The following CHSY3 variants were observed in gnomAD, a reference collection of about 807,000 sequenced individuals.
The protein encoded by CHSY3 is N-acetylgalactosaminyl-proteoglycan 3-beta-glucuronosyltransferase 3.
CHSY3 carries 35 observed loss-of-function variants against 67.2 expected under a neutral mutation model. That is an observed-to-expected ratio of 0.52 (90% CI 0.40 to 0.69). CHSY3 has a LOEUF of 0.69. Among genes scored for constraint, CHSY3 ranks in the 30% least tolerant of loss-of-function variants. The probability of loss-of-function intolerance (pLI) is 0.00; values close to 1 mark genes in which losing one functional copy is unlikely to be tolerated. For missense variants in CHSY3, 1,069 were observed against 1,138.5 expected (o/e 0.94, Z 0.88); for synonymous variants, 474 against 434.7 (o/e 1.09, Z -1.12).
At chr5:130,114,037 C>A (rs943244115) in intron 2 of CHSY3, among the ~76,000 whole-genome samples, 3 of 152,036 alleles carry the variant, frequency 2.0e-5, no homozygotes, top group Admixed American at 1.3e-4. Context: ...ATTTTTTCTT[C>A]ATTGTTTCCA....
intron 2 of CHSY3, among the ~76,000 whole-genome samples, chr5:130,150,248 G>C (rs906319125): frequency 1.3e-5 from 2 of 151,932 alleles, no homozygotes; most frequent in Admixed American, 6.6e-5. Flanking sequence ...CAAAGTTTTA[G>C]GTCTAACAAT....
chr5:130,090,842 C>G (rs574338341), intron 2 of CHSY3, among the ~76,000 whole-genome samples: 1 of 152,248 alleles, frequency 6.6e-6, no homozygotes, highest in South Asian at 2.1e-4. Context: ...TACTTCCCAA[C>G]ACAGAAACAT....
At chr5:130,111,874 AAC>A (rs542982359) in intron 2 of CHSY3, among the ~76,000 whole-genome samples, 93 of 151,958 alleles carry the variant, frequency 6.1e-4, no homozygotes, top group Non-Finnish European at 9.7e-4. Context: ...ATTTTATTTT[AAC>A]ACACACATAC....
At chr5:129,950,649 T>C (rs1761998139) in intron 2 of CHSY3, among the ~76,000 whole-genome samples, 1 of 152,042 alleles carries the variant, frequency 6.6e-6, no homozygotes, top group Non-Finnish European at 1.5e-5. Flanking sequence ...GAAAAAGAAA[T>C]TAAGAAAATA....
intron 2 of CHSY3, among the ~76,000 whole-genome samples, chr5:130,073,814 G>C (rs1766167443): frequency 6.6e-6 from 1 of 152,070 alleles, no homozygotes; most frequent in East Asian, 1.9e-4. Context: ...TTTCTTATCT[G>C]ATTTTCATAA....
intron 2 of CHSY3, among the ~76,000 whole-genome samples, chr5:129,933,924 G>A (rs1761405532): frequency 6.6e-6 from 1 of 152,038 alleles, no homozygotes; most frequent in Admixed American, 6.6e-5. Context: ...TTTTCTTGAT[G>A]TTCATGTGAA....
At chr5:130,049,629 A>G (rs1324502409) in intron 2 of CHSY3, among the ~76,000 whole-genome samples, 1 of 152,122 alleles carries the variant, frequency 6.6e-6, no homozygotes, top group Non-Finnish European at 1.5e-5. Context: ...AAGTATGAAG[A>G]TAAAATTATC....
intron 2 of CHSY3, among the ~76,000 whole-genome samples, chr5:130,000,149 T>G (rs2149637845): frequency 6.6e-6 from 1 of 152,344 alleles, no homozygotes; most frequent in East Asian, 1.9e-4. Flanking sequence ...AGATAATGAT[T>G]ATGGATAACA....
intron 2 of CHSY3, among the ~76,000 whole-genome samples, chr5:130,162,058 A>AGG (rs1769564988): frequency 1.9e-4 from 1 of 5,402 alleles, no homozygotes; most frequent in African/African-American, 3.5e-4. Flanking sequence ...AAAAAAAAAA[A>AGG]AAGAAAGAAA....
At chr5:129,934,499 T>A (rs1761425572) in intron 2 of CHSY3, among the ~76,000 whole-genome samples, 1 of 152,158 alleles carries the variant, frequency 6.6e-6, no homozygotes, top group African/African-American at 2.4e-5. Flanking sequence ...GTTTATCCTA[T>A]GTTGTTCAGT....
At chr5:130,084,602 AATTT>A (rs367718379) in intron 2 of CHSY3, among the ~76,000 whole-genome samples, 2 of 135,258 alleles carry the variant, frequency 1.5e-5, no homozygotes, top group Non-Finnish European at 1.6e-5. Flanking sequence ...TTAATTAATT[AATTT>A]ATTTATTTAA....
intron 2 of CHSY3, among the ~76,000 whole-genome samples, chr5:129,976,793 C>T (rs1762820563): frequency 6.6e-6 from 1 of 151,778 alleles, no homozygotes. Context: ...AAATAAAACA[C>T]ATTGTTTTTC....
intron 2 of CHSY3, among the ~76,000 whole-genome samples, chr5:130,056,086 G>A (rs1580690634): frequency 1.3e-5 from 2 of 152,130 alleles, no homozygotes; most frequent in African/African-American, 4.8e-5. Flanking sequence ...ATTGAAGCCA[G>A]TGTGACATGC....
rs1398375329 is a variant in CHSY3 at position 129,904,653 on chromosome 5, A to AGCCCGCGGCAGTCGAGGC, written c.-175_-158dup. On this transcript the variant is annotated 5_prime_UTR_variant, in exon 1 of 3. Transcript: ENST00000305031. Reference sequence around the variant, plus strand: ...GAGCGGGAGCCCGGCAGGCAGCTGCAGCCCGCGGCAGTCGAGGCGTCCGCG... The same window carrying AGCCCGCGGCAGTCGAGGC: ...GAGCGGGAGCCCGGCAGGCAGCTGCAGCCCGCGGCAGTCGAGGCGCCCGCGGCAGTCGAGGCGTCCGCG... The AGCCCGCGGCAGTCGAGGC allele has an allele frequency of 8.8e-6, 9 of 1,021,082 alleles. No homozygotes were observed. In the Admixed American group the frequency reaches 2.3e-4, roughly 26 times the overall value. The allele number at this position is 1,021,082 out of a possible 1,614,324, so 63.3% of individuals were successfully genotyped here.
At chr5:130,041,812 G>T (rs1765013156) in intron 2 of CHSY3, among the ~76,000 whole-genome samples, 1 of 152,060 alleles carries the variant, frequency 6.6e-6, no homozygotes, top group African/African-American at 2.4e-5. Flanking sequence ...CATTTGAAAT[G>T]TTTAAAAATG....
At chr5:129,973,321 C>A (rs1762698754) in intron 2 of CHSY3, among the ~76,000 whole-genome samples, 1 of 152,060 alleles carries the variant, frequency 6.6e-6, no homozygotes, top group African/African-American at 2.4e-5. Flanking sequence ...ATCTAGAATT[C>A]TATCCATAGT....
chr5:129,908,895 G>T (rs759021499), intron 2 of CHSY3, among the ~76,000 whole-genome samples: 1 of 152,050 alleles, frequency 6.6e-6, no homozygotes, highest in Admixed American at 6.5e-5. Flanking sequence ...ATTTATGGTA[G>T]ATGTATTCAC....
At chr5:130,116,747 C>G (rs537516951) in intron 2 of CHSY3, among the ~76,000 whole-genome samples, 1 of 152,154 alleles carries the variant, frequency 6.6e-6, no homozygotes, top group South Asian at 2.1e-4. Context: ...GCAGTATCAG[C>G]AAGCGAAGGT....
rs758540850 is a variant in CHSY3 at position 130,185,602 on chromosome 5, G to T, written c.2460G>T (p.Arg820Ser). ...LYNKVILSGL[R>S]PFRSQEVGVV... ...ATAAAGTCATTCTATCTGGCTTAAGGCCATTCAGAAGCCAAGAAGTAGGAG... is the reference window on the plus strand; with the variant it reads ...ATAAAGTCATTCTATCTGGCTTAAGTCCATTCAGAAGCCAAGAAGTAGGAG... Residue 820 changes from arginine (R) to serine (S), a missense_variant, in exon 3 of 3, where the codon AGG (arginine) becomes AGT (serine). Physicochemically the swap from Arg to Ser is moderately radical, Grantham distance 110. Around this residue, in one of 5 missense-constraint regions of CHSY3, gnomAD observed 139 missense variants for 152.8 expected, o/e 0.91. Transcript: ENST00000305031. 8 of 1,614,046 alleles carry T rather than the reference G, an allele frequency of 5.0e-6. No individual in the cohort carries two copies. Among genetic ancestry groups the T allele is most frequent in the Non-Finnish European group, 6.8e-6 (8 of 1,179,970 alleles).
Sources: allele counts gnomAD v4.1 joint callset (sites outside exome capture counted in the v4.1 genomes callset), GRCh38; gene constraint gnomAD v4.1.1; regional missense constraint gnomAD v4.1.1; transcripts MANE v1.5; gene names NCBI Gene and HGNC (gene_info 2026-07-23, HGNC 2026-07-21).